The following UTRN variants were observed in gnomAD, a reference collection of about 807,000 sequenced individuals.
The protein encoded by UTRN is utrophin.
In UTRN, 283 loss-of-function variants were observed where a neutral mutation model predicts 463.9. That is an observed-to-expected ratio of 0.61 (90% confidence interval 0.55 to 0.67). The LOEUF is 0.67. UTRN is among the 30% of genes least tolerant of loss of function. The pLI is 0.00. For missense variants in UTRN, 3,922 were observed against 4,084.3 expected, an observed-to-expected ratio of 0.96 and a Z score of 1.08; for synonymous variants, 1,442 against 1,431.5, an observed-to-expected ratio of 1.01 and a Z score of -0.17.
chr6:144,583,615 G>A (rs1264347401), intron 51 of UTRN: 3 of 667,390 alleles, frequency 4.5e-6, no homozygotes, highest in Non-Finnish European at 8.4e-6. Context: ...CTGAGTGATT[G>A]AAAATAAGGA....
intron 51 of UTRN, among the ~76,000 whole-genome samples, chr6:144,578,945 G>T (rs1486750124): frequency 2.0e-5 from 3 of 152,094 alleles, no homozygotes; most frequent in Non-Finnish European, 4.4e-5. Flanking sequence ...TCTTACAATT[G>T]TTCTTTAAGT....
At chr6:144,770,037 C>T (rs559654945) in intron 58 of UTRN, among the ~76,000 whole-genome samples, 123 of 152,270 alleles carry the variant, frequency 8.1e-4, no homozygotes, top group African/African-American at 4.6e-4. Context: ...ACCATCAAAC[C>T]GAAAGGGTGG....
chr6:144,765,971 G>A (rs1793278802), intron 58 of UTRN, among the ~76,000 whole-genome samples: 1 of 151,384 alleles, frequency 6.6e-6, no homozygotes, highest in Non-Finnish European at 1.5e-5. Flanking sequence ...TGGATTTCCT[G>A]CCTTTAAAAG....
At chr6:144,446,098 G>C (rs1321737582) in intron 14 of UTRN, among the ~76,000 whole-genome samples, 1 of 152,118 alleles carries the variant, frequency 6.6e-6, no homozygotes, top group Non-Finnish European at 1.5e-5. Flanking sequence ...AAACCATTGT[G>C]TTACTCTTCT....
chr6:144,625,899 G>T (rs1325338195), intron 51 of UTRN, among the ~76,000 whole-genome samples: 1 of 152,220 alleles, frequency 6.6e-6, no homozygotes, highest in East Asian at 1.9e-4. Context: ...CAAAACTGGA[G>T]ATTTTATAAA....
chr6:144,728,465 G>A (rs1413005985), intron 53 of UTRN, among the ~76,000 whole-genome samples: 5 of 134,406 alleles, frequency 3.7e-5, no homozygotes, highest in Non-Finnish European at 4.5e-5. Flanking sequence ...AGTGCCAGAT[G>A]TATATAATCT....
At chr6:144,759,148 A>C (rs2128726830) in intron 58 of UTRN, among the ~76,000 whole-genome samples, 1 of 152,210 alleles carries the variant, frequency 6.6e-6, no homozygotes, top group Non-Finnish European at 1.5e-5. Context: ...AGCTTATGGG[A>C]GTTTAATATT....
intron 65 of UTRN, among the ~76,000 whole-genome samples, chr6:144,815,366 G>C (rs935615912): frequency 1.3e-5 from 2 of 152,164 alleles, no homozygotes; most frequent in Non-Finnish European, 2.9e-5. Context: ...AGAACTAATA[G>C]GATAGATGTA....
chr6:144,532,110 C>T (rs769384333), intron 42 of UTRN, among the ~76,000 whole-genome samples: 4 of 152,022 alleles, frequency 2.6e-5, no homozygotes, highest in African/African-American at 4.8e-5. Flanking sequence ...GCACTCCAGC[C>T]TGGGTGACAG....
chr6:144,320,397 G>A (rs1775565809), intron 2 of UTRN, among the ~76,000 whole-genome samples: 1 of 152,198 alleles, frequency 6.6e-6, no homozygotes, highest in African/African-American at 2.4e-5. Flanking sequence ...GATAGTGAGA[G>A]GGGCCGTCTC....
At chr6:144,371,840 TG>T (rs1437180857) in intron 2 of UTRN, among the ~76,000 whole-genome samples, 1 of 152,172 alleles carries the variant, frequency 6.6e-6, no homozygotes, top group Non-Finnish European at 1.5e-5. Context: ...TGCGTAGGGC[TG>T]GGGAGGCATA....
chr6:144,842,723 C>T (rs1367880532), intron 73 of UTRN, among the ~76,000 whole-genome samples: 1 of 152,056 alleles, frequency 6.6e-6, no homozygotes, highest in Non-Finnish European at 1.5e-5. Flanking sequence ...CCAGTGTTTC[C>T]CAGGTTTTCA....
intron 51 of UTRN, among the ~76,000 whole-genome samples, chr6:144,668,669 G>A (rs1780675072): frequency 6.6e-6 from 1 of 152,114 alleles, no homozygotes; most frequent in African/African-American, 2.4e-5. Flanking sequence ...GATGGCAAGG[G>A]CAGGGCAGCT....
intron 41 of UTRN, among the ~76,000 whole-genome samples, chr6:144,525,382 A>G (rs554491032): frequency 6.6e-6 from 1 of 152,052 alleles, no homozygotes; most frequent in South Asian, 2.1e-4. Context: ...TGGTCTGTTT[A>G]GAGTTTCTAT....
At chr6:144,516,765 TGCATTTTTCTTTTGAG>T (rs1421217386) in intron 38 of UTRN, 30 bp from the exon 39 acceptor site, 1 of 1,379,762 alleles carries the variant, frequency 7.2e-7, no homozygotes, top group Non-Finnish European at 9.4e-7. Flanking sequence ...AGTGACCTTA[TGCATTTTTCTTTTGAG>T]TCATTTTTTT....
chr6:144,394,391 T>C (rs755216480), intron 2 of UTRN, among the ~76,000 whole-genome samples: 1 of 152,150 alleles, frequency 6.6e-6, no homozygotes, highest in Non-Finnish European at 1.5e-5. Context: ...CCATCAGCTC[T>C]CATGAGACTT....
chr6:144,484,432 C>CTTTTTTTTTTTTTTTTT (rs765122659), intron 27 of UTRN, among the ~76,000 whole-genome samples: 1 of 66,254 alleles, frequency 1.5e-5, no homozygotes. Flanking sequence ...AAAAACCAAA[C>CTTTTTTTTTTTTTTTTT]TTTTTTTTTT....
chr6:144,674,138 G>C (rs1781346805), intron 51 of UTRN, among the ~76,000 whole-genome samples: 1 of 151,852 alleles, frequency 6.6e-6, no homozygotes, highest in East Asian at 1.9e-4. Context: ...TGATCTTTTT[G>C]TGACGAATTT....
intron 29 of UTRN, 137 bp downstream of exon 29, chr6:144,487,834 A>G (rs1792622333): frequency 1.4e-6 from 1 of 705,758 alleles, no homozygotes; most frequent in Admixed American, 3.5e-5. Flanking sequence ...TAACAGGGGC[A>G]TTGAGGGTAT....
Sources: allele counts gnomAD v4.1 joint callset (sites outside exome capture counted in the v4.1 genomes callset), GRCh38; gene constraint gnomAD v4.1.1; transcripts MANE v1.5; gene names NCBI Gene and HGNC (gene_info 2026-07-23, HGNC 2026-07-21).